SUGCT: variants seen among roughly 807,000 people sequenced by gnomAD.
SUGCT encodes succinyl-CoA:glutarate-CoA transferase.
Under a neutral mutation model 55.0 loss-of-function variants are expected in SUGCT, and 41 were observed. The ratio of observed to expected loss-of-function variants is 0.74; its 90% CI spans 0.58 to 0.97. The LOEUF is 0.97. SUGCT is among the 50% of genes least tolerant of loss of function. The probability of loss-of-function intolerance (pLI) is 0.00; values close to 1 mark genes in which losing one functional copy is unlikely to be tolerated. For synonymous variants in SUGCT, 187 were observed against 200.4 expected (o/e 0.93, Z 0.56); for missense variants, 568 against 547.8 (o/e 1.04, Z -0.37).
At chr7:40,375,447 A>C (rs923277247) in intron 9 of SUGCT, among the ~76,000 whole-genome samples, 7 of 152,158 alleles carry the variant, frequency 4.6e-5, no homozygotes, top group African/African-American at 1.7e-4. Context: ...GTTATAAAAA[A>C]ATTATCATAT....
At chr7:40,589,976 A>C (rs554084348) in intron 12 of SUGCT, among the ~76,000 whole-genome samples, 1 of 152,214 alleles carries the variant, frequency 6.6e-6, no homozygotes, top group Admixed American at 6.5e-5. Flanking sequence ...CCTTGTGTTG[A>C]GCAAATCTAC....
intron 13 of SUGCT, among the ~76,000 whole-genome samples, chr7:40,787,824 C>T (rs1313627467): frequency 6.6e-6 from 1 of 152,136 alleles, no homozygotes; most frequent in Non-Finnish European, 1.5e-5. Context: ...CCACCTCTGT[C>T]AGCAAAGGCA....
At chr7:40,703,920 A>G (rs1785278064) in intron 12 of SUGCT, among the ~76,000 whole-genome samples, 1 of 152,214 alleles carries the variant, frequency 6.6e-6, no homozygotes, top group Non-Finnish European at 1.5e-5. Context: ...AGGTCTGACA[A>G]AAGCAATGTG....
chr7:40,656,054 T>G (rs540798427), intron 12 of SUGCT, among the ~76,000 whole-genome samples: 1 of 152,290 alleles, frequency 6.6e-6, no homozygotes, highest in South Asian at 2.1e-4. Flanking sequence ...TTTGTTGTTT[T>G]ACATATGCTA....
chr7:40,957,915 C>A, the SUGCT span, among the ~76,000 whole-genome samples: 2 of 152,094 alleles, frequency 1.3e-5, no homozygotes, highest in Admixed American at 1.3e-4. Context: ...TTCTCCTTCA[C>A]TTATGAAGCT....
rs545725575 is a variant in SUGCT, at chr7:40,522,436, G to A, written c.1089+26050G>A. Among the ~76,000 whole-genome samples the A allele has an allele frequency of 3.9e-5, 6 of 152,118 alleles. No homozygotes were observed. The South Asian group carries it at 1.2e-3, about 32-fold the overall frequency. On this transcript the variant is annotated intron_variant, in intron 12 of 13. Coordinates refer to ENST00000335693, the MANE Select transcript of SUGCT (RefSeq NM_001193313.2). Reference sequence around the variant, plus strand: ...ACTACTTACACTAGTTGCTACCATTGTAATATCTTAGAGTTCTCTTTTTAT... The same window carrying A: ...ACTACTTACACTAGTTGCTACCATTATAATATCTTAGAGTTCTCTTTTTAT...
intron 9 of SUGCT, among the ~76,000 whole-genome samples, chr7:40,393,371 T>C (rs1785545939): frequency 6.6e-6 from 1 of 152,124 alleles, no homozygotes; most frequent in South Asian, 2.1e-4. Flanking sequence ...GTCCACTAAA[T>C]TAGGGAATGG....
At chr7:40,643,364 T>C (rs752820132) in intron 12 of SUGCT, among the ~76,000 whole-genome samples, 10 of 152,160 alleles carry the variant, frequency 6.6e-5, no homozygotes, top group Non-Finnish European at 1.2e-4. Flanking sequence ...ACATAACTTC[T>C]CTGCTTAACA....
At chr7:40,982,929 A>T in the SUGCT span, among the ~76,000 whole-genome samples, 1 of 152,178 alleles carries the variant, frequency 6.6e-6, no homozygotes, top group Non-Finnish European at 1.5e-5. Flanking sequence ...GATTACAGGC[A>T]TGAGCTGCCA....
intron 9 of SUGCT, among the ~76,000 whole-genome samples, chr7:40,383,907 C>T (rs145510798): frequency 1.2e-3 from 185 of 151,954 alleles, no homozygotes; most frequent in Non-Finnish European, 2.1e-3. Flanking sequence ...AATATGCTTC[C>T]CCCTGCACAG....
chr7:40,227,600 C>A (rs192399683), intron 6 of SUGCT, among the ~76,000 whole-genome samples: 17 of 152,088 alleles, frequency 1.1e-4, no homozygotes, highest in African/African-American at 3.9e-4. Flanking sequence ...TTCCCAATGT[C>A]AACTTTATTT....
intron 12 of SUGCT, among the ~76,000 whole-genome samples, chr7:40,509,496 T>C (rs529509507): frequency 2.0e-5 from 3 of 152,312 alleles, no homozygotes; most frequent in Non-Finnish European, 4.4e-5. Flanking sequence ...CCCTCTTTTG[T>C]CACTGCTGCT....
At chr7:40,591,490 A>G (rs1207762834) in intron 12 of SUGCT, among the ~76,000 whole-genome samples, 1 of 152,212 alleles carries the variant, frequency 6.6e-6, no homozygotes, top group Non-Finnish European at 1.5e-5. Flanking sequence ...AAGGATTTAA[A>G]ATATTTCATA....
At chr7:40,674,181 G>A (rs1000309447) in intron 12 of SUGCT, among the ~76,000 whole-genome samples, 3 of 152,150 alleles carry the variant, frequency 2.0e-5, no homozygotes, top group African/African-American at 7.2e-5. Flanking sequence ...CTTCTTGGAA[G>A]GTATAAATTT....
intron 9 of SUGCT, among the ~76,000 whole-genome samples, chr7:40,340,993 A>G (rs1359962594): frequency 6.6e-6 from 1 of 152,232 alleles, no homozygotes; most frequent in African/African-American, 2.4e-5. Context: ...GGCCTGATGG[A>G]TATAAGTAAA....
At chr7:40,454,485 TA>T (rs1789364482) in intron 10 of SUGCT, among the ~76,000 whole-genome samples, 1 of 152,158 alleles carries the variant, frequency 6.6e-6, no homozygotes, top group Non-Finnish European at 1.5e-5. Context: ...GCTACACACA[TA>T]GGCTATATGG....
chr7:40,504,090 G>A (rs1236637804), intron 12 of SUGCT, among the ~76,000 whole-genome samples: 1 of 152,164 alleles, frequency 6.6e-6, no homozygotes, highest in Non-Finnish European at 1.5e-5. Context: ...GTTCGTCAAA[G>A]AGTACAAACT....
At chr7:40,394,851 T>C (rs770542463) in intron 9 of SUGCT, among the ~76,000 whole-genome samples, 6 of 152,246 alleles carry the variant, frequency 3.9e-5, no homozygotes, top group Non-Finnish European at 7.3e-5. Flanking sequence ...TCCTTGCTAT[T>C]GCACATAACA....
chr7:40,451,952 G>A (rs188169541), intron 10 of SUGCT, among the ~76,000 whole-genome samples: 35 of 152,226 alleles, frequency 2.3e-4, no homozygotes, highest in South Asian at 1.2e-3. Context: ...CTGTTCTTTC[G>A]TCAAGTACAC....
Sources: allele counts gnomAD v4.1 joint callset (sites outside exome capture counted in the v4.1 genomes callset), GRCh38; gene constraint gnomAD v4.1.1; transcripts MANE v1.5; gene names NCBI Gene and HGNC (gene_info 2026-07-23, HGNC 2026-07-21).